Variants in CDH3 observed in about 807,000 individuals in gnomAD.
CDH3 encodes the protein cadherin 3.
CDH3 carries 54 observed loss-of-function variants against 82.0 expected under a neutral mutation model. The observed-to-expected ratio is 0.66, with a 90% CI of 0.53 to 0.83. The LOEUF is 0.83. Ranked by LOEUF, CDH3 falls within the 40% of genes least tolerant of loss-of-function variation. The pLI is 0.00. For synonymous variants in CDH3, 446 were observed against 437.9 expected (o/e 1.02, Z -0.23); for missense variants, 1,054 against 1,084.6 (o/e 0.97, Z 0.40).
rs758090246 is a variant in CDH3 at position 68,685,310 on chromosome 16, G to A, written c.1530G>A (p.Arg510=). The part of the protein sequence containing the change: ...TLDREDEQFV[R]NNIYEVMVLA... ...ACCGTGAGGATGAGCAGTTTGTGAG[G>A]AACAACATCTATGAAGTCATGGTCT... is the stretch of plus-strand genomic sequence containing the variant. The change falls in exon 11 of 16, where the codon AGG becomes AGA. Residue 510 remains arginine (R), a synonymous_variant. Transcript: ENST00000264012. 1.2e-6 allele frequency: 2 copies of A among 1,614,116 alleles called. No individual in the cohort carries two copies. Among genetic ancestry groups the A allele is most frequent in the East Asian group, 2.2e-5 (1 of 44,884 alleles).
At chr16:68,694,585 G>T (rs986826949) in intron 13 of CDH3, among the ~76,000 whole-genome samples, 2 of 149,540 alleles carry the variant, frequency 1.3e-5, no homozygotes, top group Non-Finnish European at 3.0e-5. Context: ...TTGCACCAGT[G>T]CACTCTAGCC....
chr16:68,675,756 T>C (rs1272836972), intron 2 of CDH3, among the ~76,000 whole-genome samples: 2 of 143,406 alleles, frequency 1.4e-5, no homozygotes, highest in East Asian at 4.1e-4. Flanking sequence ...ATTGTGCCAC[T>C]ACACTCCAGC....
intron 2 of CDH3, among the ~76,000 whole-genome samples, chr16:68,664,323 G>T (rs111244217): frequency 4.7e-4 from 71 of 152,238 alleles, no homozygotes; most frequent in African/African-American, 1.6e-3. Flanking sequence ...TCAGAGGAAG[G>T]ATCTGGATAT....
rs183653405 is a variant in CDH3 at position 68,699,375 on chromosome 16, G to A, written c.*975G>A. On this transcript the variant is annotated 3_prime_UTR_variant, in exon 16 of 16. Transcript: ENST00000264012. ...CCAGCAAGGTCTCTTCTGGAACAGCGGCTGCCCTCCCTGCAGGACAGTGTG... is the reference window on the plus strand; with the variant it reads ...CCAGCAAGGTCTCTTCTGGAACAGCAGCTGCCCTCCCTGCAGGACAGTGTG... 2.4e-3 allele frequency: 368 copies of A among 152,518 alleles called. No individual in the cohort carries two copies. Among genetic ancestry groups the A allele is most frequent in the Middle Eastern group, 6.8e-3 (2 of 296 alleles). 9.4% of individuals were successfully genotyped at this position (152,518 alleles called of 1,614,324 possible). A position where few individuals can be genotyped will look rare whatever the true frequency, so the allele number is the denominator to read the frequency against.
At chr16:68,686,845 G>A (rs1252399440) in intron 11 of CDH3, among the ~76,000 whole-genome samples, 2 of 152,178 alleles carry the variant, frequency 1.3e-5, no homozygotes, top group Middle Eastern at 3.2e-3. Context: ...GCACACGCCT[G>A]TAGTCCCAGC....
Position 68,695,813 on chromosome 16 carries a change from G to T in CDH3, c.2170G>T (p.Ala724Ser), listed in dbSNP as rs780570670. The T allele has an allele frequency of 5.0e-6, 8 of 1,614,000 alleles. No individual in the cohort carries two copies. The Admixed American group carries it at 6.7e-5, about 13-fold the overall frequency. ...DITQLHRGLEARPEVVLRNDV... is the reference protein window; with the variant it reads ...DITQLHRGLESRPEVVLRNDV... ...CACCCAGCTCCACCGAGGTCTGGAGGCCAGGCCGGAGGTGGTTCTCCGCAA... is the reference window on the plus strand; with the variant it reads ...CACCCAGCTCCACCGAGGTCTGGAGTCCAGGCCGGAGGTGGTTCTCCGCAA... The change falls in exon 15 of 16, where the codon GCC becomes TCC. Residue 724 changes from alanine (A) to serine (S), a missense_variant. Transcript: ENST00000264012.
intron 10 of CDH3, 55 bp from the exon 11 acceptor site, chr16:68,685,149 AT>A (rs1961369263): frequency 6.9e-6 from 11 of 1,601,302 alleles, no homozygotes; most frequent in Non-Finnish European, 9.4e-6. Flanking sequence ...GCCCTGAATG[AT>A]GACATCAGAA....
intron 2 of CDH3, chr16:68,651,328 A>G (rs1487282654): frequency 6.0e-5 from 33 of 551,994 alleles, no homozygotes; most frequent in Non-Finnish European, 1.0e-4. Context: ...GTTTGTACCC[A>G]TCTGGAGGCT....
At position 68,707,462 on chromosome 16, in the gene CDH3, C is replaced by G. The variant is rs985020555; in HGVS notation, c.99+11539C>G. 6.6e-6 allele frequency among the ~76,000 whole-genome samples: 1 copy of G among 152,184 alleles called. No homozygotes were observed. Among genetic ancestry groups the G allele is most frequent in the African/African-American group, 2.4e-5 (1 of 41,436 alleles). ...CTCAGTCCCTGAGGATGCGGCAGGG[C>G]CTGTCGGGGCCTGTGGGCAGCTGCA... On this transcript the variant is annotated intron_variant, in intron 1 of 2. Coordinates refer to the CDH3 transcript ENST00000569080. The surrounding 1 kb of genome is among the most constrained non-coding windows in gnomAD (Gnocchi z 4.5).
Position 68,650,305 on chromosome 16 carries a change from A to G in CDH3, c.160+4555A>G, listed in dbSNP as rs78850860. ...CCCATTCCTTGGGGAAAAAATATAT[A>G]TATTTTTTCTTTTTTTGAGACGGAG... On this transcript the variant is annotated intron_variant, in intron 2 of 15. Transcript: ENST00000264012. 7.1e-3 allele frequency among the ~76,000 whole-genome samples: 1,081 copies of G among 151,940 alleles called. 3 individuals carry two copies. The highest frequency in any genetic ancestry group is 0.017 in the African/African-American group (697 of 41,450).
At chr16:68,732,064 T>TG (rs1962298638), downstream of CDH3, among the ~76,000 whole-genome samples, 1 of 151,716 alleles carries the variant, frequency 6.6e-6, no homozygotes, top group Non-Finnish European at 1.5e-5. Context: ...TTTTTTTTTT[T>TG]GCAGACTGGA....
At chr16:68,722,227 T>C (rs1467515806) in intron 1 of CDH3, among the ~76,000 whole-genome samples, 2 of 152,178 alleles carry the variant, frequency 1.3e-5, no homozygotes, top group Non-Finnish European at 2.9e-5. Flanking sequence ...GGGGCCCCTG[T>C]CACCAGCCAA....
intron 2 of CDH3, among the ~76,000 whole-genome samples, chr16:68,658,946 G>A (rs199837705): frequency 2.2e-4 from 33 of 152,026 alleles, no homozygotes; most frequent in Non-Finnish European, 3.4e-4. Flanking sequence ...ACATAGGGAC[G>A]GTTGGTTGGT....
chr16:68,703,319 C>T (rs558343115), downstream of CDH3, among the ~76,000 whole-genome samples: 46 of 152,296 alleles, frequency 3.0e-4, no homozygotes, highest in South Asian at 9.3e-3. Context: ...CACTCACTTC[C>T]GGGCCCACAA....
At chr16:68,650,001 T>G (rs1185714926) in intron 2 of CDH3, among the ~76,000 whole-genome samples, 1 of 151,002 alleles carries the variant, frequency 6.6e-6, no homozygotes, top group Non-Finnish European at 1.5e-5. Context: ...GCCACTGTAC[T>G]CCAGCCTGGG....
chr16:68,677,689 G>C (rs534131279), intron 3 of CDH3, among the ~76,000 whole-genome samples: 1 of 152,356 alleles, frequency 6.6e-6, no homozygotes, highest in East Asian at 1.9e-4. Flanking sequence ...AGTGAGCTGA[G>C]ATCGTGCCAC....
At position 68,678,146 on chromosome 16, in the gene CDH3, C is replaced by A; in HGVS notation, c.259C>A (p.Leu87Met). ...TCTCTCCTTGCAGGAAAGAAGGTCACTGAAGGAAAGGAATCCATTGAAGAT... is the reference window on the plus strand; with the variant it reads ...TCTCTCCTTGCAGGAAAGAAGGTCAATGAAGGAAAGGAATCCATTGAAGAT... ...NGETVQERRS[L>M]KERNPLKIFP... Residue 87 changes from leucine (L) to methionine (M), a missense_variant, in exon 4 of 16, where the codon CTG becomes ATG. Physicochemically the swap from Leu to Met is conservative, Grantham distance 15. Coordinates refer to ENST00000264012, the MANE Select transcript of CDH3 (RefSeq NM_001793.6). 3.7e-6 allele frequency: 6 copies of A among 1,614,002 alleles called. No individual in the cohort carries two copies. The highest frequency in any genetic ancestry group is 5.1e-6 in the Non-Finnish European group (6 of 1,179,868).
intron 13 of CDH3, 78 bp downstream of exon 13, chr16:68,692,004 G>A (rs1961594746): frequency 1.2e-5 from 14 of 1,140,328 alleles, no homozygotes; most frequent in Non-Finnish European, 1.8e-5. Flanking sequence ...TTTAACTCCT[G>A]GAACTAAGAG....
At chr16:68,686,810 C>A in intron 11 of CDH3, 5 of 507,138 alleles carry the variant, frequency 9.9e-6, no homozygotes, top group African/African-American at 3.9e-5. Context: ...AACTAATGAC[C>A]AAAAAAAATA....
Sources: allele counts gnomAD v4.1 joint callset (sites outside exome capture counted in the v4.1 genomes callset), GRCh38; gene constraint gnomAD v4.1.1; non-coding constraint Gnocchi (gnomAD v3.1); transcripts MANE v1.5; gene names NCBI Gene and HGNC (gene_info 2026-07-23, HGNC 2026-07-21).